The following BTBD9 variants were observed in gnomAD, a reference collection of about 807,000 sequenced individuals.
BTBD9 encodes the protein BTB/POZ domain-containing protein 9.
BTBD9 carries 49 observed loss-of-function variants against 64.3 expected under a neutral mutation model. That is an observed-to-expected ratio of 0.76 (90% CI 0.61 to 0.97). BTBD9 has a LOEUF of 0.97. Among genes scored for constraint, BTBD9 ranks in the 50% least tolerant of loss-of-function variants. The pLI is 0.00. For synonymous variants in BTBD9, 260 were observed against 274.7 expected (o/e 0.95, Z 0.53); for missense variants, 598 against 762.1 (o/e 0.78, Z 2.53).
intron 6 of BTBD9, among the ~76,000 whole-genome samples, chr6:38,533,399 C>A (rs1394027819): frequency 6.6e-6 from 1 of 152,092 alleles, no homozygotes; most frequent in Non-Finnish European, 1.5e-5. Flanking sequence ...CACTGGAGCA[C>A]TCAGATATAT....
chr6:38,235,750 T>G (rs758376112), intron 9 of BTBD9, among the ~76,000 whole-genome samples: 4 of 152,242 alleles, frequency 2.6e-5, no homozygotes, highest in African/African-American at 4.8e-5. Context: ...AAATGTCTGC[T>G]TTACTCAAAG....
At chr6:38,469,319 T>C (rs1770529607) in intron 6 of BTBD9, among the ~76,000 whole-genome samples, 1 of 142,274 alleles carries the variant, frequency 7.0e-6, no homozygotes, top group African/African-American at 2.5e-5. Context: ...CTTTTTTTTT[T>C]TCCTTTTTTT....
chr6:38,594,433 G>C (rs1395813399), intron 2 of BTBD9, 106 bp from the exon 3 acceptor site: 12 of 1,335,440 alleles, frequency 9.0e-6, no homozygotes, highest in Middle Eastern at 2.0e-4. Context: ...TTTTTTTAAT[G>C]ACACAAAGAT....
chr6:38,231,092 T>A (rs899493421), intron 9 of BTBD9, among the ~76,000 whole-genome samples: 9 of 152,218 alleles, frequency 5.9e-5, no homozygotes, highest in Non-Finnish European at 1.3e-4. Flanking sequence ...GAAATTCTCA[T>A]AATGGTGAGA....
intron 7 of BTBD9, among the ~76,000 whole-genome samples, chr6:38,304,680 C>T (rs773819371): frequency 6.6e-6 from 1 of 152,172 alleles, no homozygotes; most frequent in Non-Finnish European, 1.5e-5. Context: ...ATCCTCCCAC[C>T]TTGGCCTCTC....
At chr6:38,198,018 C>A (rs1169790521) in intron 9 of BTBD9, among the ~76,000 whole-genome samples, 2 of 152,106 alleles carry the variant, frequency 1.3e-5, no homozygotes, top group Non-Finnish European at 2.9e-5. Flanking sequence ...TGTTTCATTT[C>A]TTTGATTAAA....
chr6:38,357,996 T>C (rs964000231), intron 6 of BTBD9, among the ~76,000 whole-genome samples: 2 of 152,078 alleles, frequency 1.3e-5, no homozygotes, highest in African/African-American at 4.8e-5. Context: ...TTCAAATCAT[T>C]GAGTAATTTT....
In BTBD9 at chr6:38,513,726, C is replaced by CAA. The variant is rs201910053; in HGVS notation, c.1154+63872_1154+63873dup. On this transcript the variant is annotated intron_variant, in intron 6 of 10. Coordinates refer to ENST00000481247, the MANE Select transcript of BTBD9 (RefSeq NM_001099272.2). ...TACCAGCAGAGGTGGGGTAGACAAG[C>CAA]AAAAGTACCAATGCCATGACTAGAC... Among the ~76,000 whole-genome samples the CAA allele has an allele frequency of 7.2e-3, 1,099 of 152,196 alleles. 9 individuals carry two copies. The highest frequency in any genetic ancestry group is 0.012 in the Non-Finnish European group (828 of 68,002).
At chr6:38,362,084 G>A (rs547915040) in intron 6 of BTBD9, among the ~76,000 whole-genome samples, 3 of 152,256 alleles carry the variant, frequency 2.0e-5, no homozygotes, top group East Asian at 3.9e-4. Context: ...TACTTCAGGT[G>A]TCTTGGCTTA....
intron 9 of BTBD9, among the ~76,000 whole-genome samples, chr6:38,230,444 G>A (rs1439832674): frequency 3.4e-4 from 48 of 139,942 alleles, no homozygotes; most frequent in East Asian, 2.2e-4. Context: ...GTGGTGAGCC[G>A]AGATCGTGAC....
At chr6:38,324,913 C>T (rs907965960) in intron 7 of BTBD9, among the ~76,000 whole-genome samples, 1 of 152,094 alleles carries the variant, frequency 6.6e-6, no homozygotes, top group Non-Finnish European at 1.5e-5. Context: ...TTTCCATCAC[C>T]AGGGGAATCA....
At chr6:38,223,709 G>A (rs1423568938) in intron 9 of BTBD9, among the ~76,000 whole-genome samples, 3 of 151,430 alleles carry the variant, frequency 2.0e-5, no homozygotes, top group African/African-American at 7.3e-5. Flanking sequence ...CTGCCCTCAC[G>A]CTGTCATACT....
intron 9 of BTBD9, among the ~76,000 whole-genome samples, chr6:38,206,818 C>T (rs1158440972): frequency 6.6e-6 from 1 of 151,574 alleles, no homozygotes; most frequent in East Asian, 1.9e-4. Context: ...AGAATAAGCA[C>T]ATAGTTTAGA....
intron 6 of BTBD9, among the ~76,000 whole-genome samples, chr6:38,519,701 A>C (rs1481320573): frequency 6.6e-6 from 1 of 152,232 alleles, no homozygotes; most frequent in East Asian, 1.9e-4. Flanking sequence ...AGCATGCAGA[A>C]AGAATCAGGA....
intron 6 of BTBD9, among the ~76,000 whole-genome samples, chr6:38,376,815 G>A (rs1562099143): frequency 6.6e-6 from 1 of 152,148 alleles, no homozygotes; most frequent in Non-Finnish European, 1.5e-5. Context: ...CCTTCTTGGA[G>A]TGGTTATACT....
chr6:38,625,066 G>T (rs1278950975), intron 1 of BTBD9, among the ~76,000 whole-genome samples: 1 of 151,970 alleles, frequency 6.6e-6, no homozygotes, highest in Admixed American at 6.6e-5. Flanking sequence ...GTACTCACTG[G>T]GTACATGACA....
chr6:38,220,772 C>T (rs1031077137), intron 9 of BTBD9, among the ~76,000 whole-genome samples: 12 of 152,314 alleles, frequency 7.9e-5, no homozygotes, highest in African/African-American at 2.6e-4. Flanking sequence ...TTTAATTATG[C>T]GAAGACAATG....
chr6:38,279,812 T>C (rs1041147087), intron 8 of BTBD9, among the ~76,000 whole-genome samples: 4 of 152,160 alleles, frequency 2.6e-5, no homozygotes, highest in Non-Finnish European at 5.9e-5. Context: ...CACGTGTGCA[T>C]GAAAAAATGG....
intron 1 of BTBD9, among the ~76,000 whole-genome samples, chr6:38,607,654 CT>C (rs1289154392): frequency 2.0e-5 from 3 of 150,264 alleles, no homozygotes; most frequent in Non-Finnish European, 1.5e-5. Context: ...AAGTGTTCTT[CT>C]AGACTATGAA....
Sources: gnomAD v4.1 joint callset for allele counts (sites outside exome capture counted in the v4.1 genomes callset) on GRCh38, gnomAD v4.1.1 for gene constraint, MANE v1.5 for transcripts, NCBI Gene and HGNC (gene_info 2026-07-23, HGNC 2026-07-21) for gene names.